Variants in ADGRL3 observed in about 807,000 individuals in gnomAD.
ADGRL3 encodes the protein adhesion G protein-coupled receptor L3.
ADGRL3 carries 62 observed loss-of-function variants against 153.5 expected under a neutral mutation model. The observed-to-expected ratio is 0.40, with a 90% CI of 0.33 to 0.50. The LOEUF (loss-of-function observed/expected upper bound fraction) is 0.50, where lower values mean the gene tolerates loss of function less well. ADGRL3 is among the 20% of genes least tolerant of loss of function. The probability of loss-of-function intolerance (pLI) is 0.47; values close to 1 mark genes in which losing one functional copy is unlikely to be tolerated. For synonymous variants in ADGRL3, 710 were observed against 672.5 expected, an observed-to-expected ratio of 1.06 and a Z score of -0.86; for missense variants, 1,641 against 1,859.4, an observed-to-expected ratio of 0.88 and a Z score of 2.16.
intron 1 of ADGRL3, among the ~76,000 whole-genome samples, chr4:61,369,521 C>A (rs1223388226): frequency 6.6e-6 from 1 of 152,006 alleles, no homozygotes; most frequent in Non-Finnish European, 1.5e-5. Context: ...TGTTTATATG[C>A]TGGATTACAT....
At chr4:61,392,437 A>G (rs1316997742) in intron 2 of ADGRL3, among the ~76,000 whole-genome samples, 2 of 151,440 alleles carry the variant, frequency 1.3e-5, no homozygotes, top group Admixed American at 1.3e-4. Context: ...CTGTAATCCC[A>G]GCACTTTGGG....
At chr4:61,645,588 T>G (rs1489280813) in intron 5 of ADGRL3, among the ~76,000 whole-genome samples, 1 of 152,208 alleles carries the variant, frequency 6.6e-6, no homozygotes, top group Non-Finnish European at 1.5e-5. Context: ...GAAAATTCTT[T>G]TCTTTAACAA....
intron 2 of ADGRL3, among the ~76,000 whole-genome samples, chr4:61,452,816 C>T (rs1253872270): frequency 6.6e-6 from 1 of 152,014 alleles, no homozygotes; most frequent in Non-Finnish European, 1.5e-5. Context: ...CCTTAATTTA[C>T]AGAATGCCTG....
intron 2 of ADGRL3, among the ~76,000 whole-genome samples, chr4:61,422,651 T>A (rs2097220176): frequency 6.6e-6 from 1 of 152,126 alleles, no homozygotes; most frequent in Non-Finnish European, 1.5e-5. Flanking sequence ...TCAGTGTACC[T>A]AATTCATTGA....
intron 1 of ADGRL3, among the ~76,000 whole-genome samples, chr4:61,234,391 A>T (rs1444712933): frequency 6.6e-6 from 1 of 152,116 alleles, no homozygotes; most frequent in African/African-American, 2.4e-5. Context: ...GGCCCCCAGG[A>T]TTCAATTACC....
chr4:61,257,569 T>C (rs1172774455), intron 1 of ADGRL3, among the ~76,000 whole-genome samples: 1 of 152,118 alleles, frequency 6.6e-6, no homozygotes, highest in African/African-American at 2.4e-5. Flanking sequence ...ACATACTAAA[T>C]AGGTAGCTCA....
chr4:61,802,954 T>C (rs2148454876), intron 8 of ADGRL3, among the ~76,000 whole-genome samples: 1 of 152,220 alleles, frequency 6.6e-6, no homozygotes, highest in African/African-American at 2.4e-5. Context: ...GGCAAGCTAA[T>C]ATATCTATCA....
intron 21 of ADGRL3, among the ~76,000 whole-genome samples, chr4:62,027,891 A>G (rs1399980574): frequency 6.6e-6 from 1 of 151,926 alleles, no homozygotes; most frequent in African/African-American, 2.4e-5. Context: ...ATAGGTAGCT[A>G]GTAAGTGGCT....
At chr4:61,445,639 G>A (rs955306753) in intron 2 of ADGRL3, among the ~76,000 whole-genome samples, 21 of 152,072 alleles carry the variant, frequency 1.4e-4, no homozygotes, top group Admixed American at 2.6e-4. Flanking sequence ...ATAAATCATC[G>A]TCTCTCCTTC....
intron 2 of ADGRL3, among the ~76,000 whole-genome samples, chr4:61,436,104 A>G (rs978655290): frequency 1.3e-5 from 2 of 152,196 alleles, no homozygotes; most frequent in Admixed American, 1.3e-4. Flanking sequence ...TGCCTATGTA[A>G]TACAGAGTTC....
chr4:61,992,510 C>A (rs955414117), intron 19 of ADGRL3, among the ~76,000 whole-genome samples: 4 of 152,148 alleles, frequency 2.6e-5, no homozygotes, highest in Non-Finnish European at 5.9e-5. Flanking sequence ...AGAAAGCCAG[C>A]ATGTGGCCAG....
In ADGRL3 at chr4:61,775,883, TTTTATTTATTTA is replaced by T. The variant is rs376527316; in HGVS notation, c.1400-37906_1400-37895del. 1.5e-4 allele frequency: 48 copies of T among 324,494 alleles called. 2 individuals are homozygous for T. The highest frequency in any genetic ancestry group is 7.0e-4 in the African/African-American group (31 of 44,288). 20.1% of individuals were successfully genotyped at this position (324,494 alleles called of 1,614,324 possible). ...GGTTACCGGTGAAGACGAATCTTGT[TTTTATTTATTTA>T]TTTATTTATTTATTTATTTTTTTGA... On this transcript the variant is annotated intron_variant, in intron 8 of 26. Transcript: ENST00000683033.
chr4:61,933,081 TTAAC>T (rs1419378179), intron 13 of ADGRL3, among the ~76,000 whole-genome samples: 17 of 152,154 alleles, frequency 1.1e-4, no homozygotes, highest in African/African-American at 2.2e-4. Flanking sequence ...TATAAGATTA[TTAAC>T]TAACTATTAA....
chr4:61,288,484 G>T (rs1330299549), intron 1 of ADGRL3, among the ~76,000 whole-genome samples: 1 of 151,886 alleles, frequency 6.6e-6, no homozygotes, highest in Non-Finnish European at 1.5e-5. Context: ...CTTCACATCA[G>T]GTCTTGACGT....
chr4:61,300,088 C>G (rs1424245291), intron 1 of ADGRL3, among the ~76,000 whole-genome samples: 2 of 152,038 alleles, frequency 1.3e-5, no homozygotes, highest in East Asian at 3.9e-4. Flanking sequence ...TTGTATTTTA[C>G]TTATTGAGAT....
In ADGRL3 at chr4:61,824,337, C is replaced by T. The variant is rs938407000; in HGVS notation, c.1480+10448C>T. 2.6e-5 allele frequency among the ~76,000 whole-genome samples: 4 copies of T among 152,172 alleles called. No homozygotes were observed. In the South Asian group the frequency reaches 8.3e-4, roughly 32 times the overall value. On this transcript the variant is annotated intron_variant, in intron 9 of 26. Coordinates refer to ENST00000683033, the MANE Select transcript of ADGRL3 (RefSeq NM_001387552.1). ...AAACATGTACGCTTCTCTCAGAAAA[C>T]GTATCTAAAATCATACTGCAAAAAG...
Position 61,403,229 on chromosome 4 carries a change from C to A in ADGRL3, c.-174+20040C>A, listed in dbSNP as rs187955726. On this transcript the variant is annotated intron_variant, in intron 2 of 26. Transcript: ENST00000683033. ...TTAGAATCTCTGAAGTGGCAAATGT[C>A]TTTTTGTAGGCTAATGAGATTAATA... Among the ~76,000 whole-genome samples the A allele has an allele frequency of 3.3e-5, 5 of 152,148 alleles. No individual in the cohort carries two copies. The South Asian group carries it at 8.3e-4, about 25-fold the overall frequency.
intron 8 of ADGRL3, among the ~76,000 whole-genome samples, chr4:61,755,941 A>G (rs1434667498): frequency 6.6e-6 from 1 of 152,034 alleles, no homozygotes; most frequent in Admixed American, 6.6e-5. Flanking sequence ...GATATGCGGC[A>G]TTATATCTGA....
chr4:61,919,501 CT>C (rs2098758657), intron 13 of ADGRL3, among the ~76,000 whole-genome samples: 1 of 152,134 alleles, frequency 6.6e-6, no homozygotes, highest in Non-Finnish European at 1.5e-5. Context: ...TGACTTCTAT[CT>C]ACAAAACCAG....
Sources: gnomAD v4.1 joint callset for allele counts (sites outside exome capture counted in the v4.1 genomes callset) on GRCh38, gnomAD v4.1.1 for gene constraint, MANE v1.5 for transcripts, NCBI Gene and HGNC (gene_info 2026-07-23, HGNC 2026-07-21) for gene names.